Variants in PRKG1 observed in about 807,000 individuals in gnomAD.
The protein encoded by PRKG1 is cGMP-dependent protein kinase 1.
Under a neutral mutation model 88.1 loss-of-function variants are expected in PRKG1, and 35 were observed. That is an observed-to-expected ratio of 0.40 (90% confidence interval 0.30 to 0.53). The LOEUF (loss-of-function observed/expected upper bound fraction) is 0.53. PRKG1 is among the 20% of genes least tolerant of loss of function. The pLI is 0.59. For missense variants in PRKG1, 540 were observed against 839.8 expected, an observed-to-expected ratio of 0.64 and a Z score of 4.41; for synonymous variants, 303 against 292.5, an observed-to-expected ratio of 1.04 and a Z score of -0.37.
intron 3 of PRKG1, among the ~76,000 whole-genome samples, chr10:51,542,712 C>A (rs1842338214): frequency 6.6e-6 from 1 of 151,970 alleles, no homozygotes; most frequent in Admixed American, 6.6e-5. Context: ...TGGCTGGAAA[C>A]CATTTTGTGT....
chr10:51,217,963 G>A (rs943372547), intron 2 of PRKG1, among the ~76,000 whole-genome samples: 2 of 152,044 alleles, frequency 1.3e-5, no homozygotes, highest in African/African-American at 4.8e-5. Flanking sequence ...TCTTACAAGT[G>A]ATTAACATCT....
chr10:51,945,594 G>A (rs931782396), intron 5 of PRKG1, among the ~76,000 whole-genome samples: 7 of 151,566 alleles, frequency 4.6e-5, no homozygotes, highest in Admixed American at 4.6e-4. Flanking sequence ...TGGCTGGTAT[G>A]GGTTGTTCCT....
At chr10:51,787,529 C>A (rs1161039341) in intron 3 of PRKG1, among the ~76,000 whole-genome samples, 1 of 152,150 alleles carries the variant, frequency 6.6e-6, no homozygotes, top group Non-Finnish European at 1.5e-5. Context: ...GGCAGAACAA[C>A]AACACATCCA....
chr10:51,729,764 G>A (rs769351567), intron 3 of PRKG1, among the ~76,000 whole-genome samples: 13 of 146,438 alleles, frequency 8.9e-5, no homozygotes, highest in Admixed American at 3.4e-4. Context: ...GCCATAGGCC[G>A]TGGTAATTCA....
chr10:52,115,081 G>T (rs897657887), intron 7 of PRKG1, among the ~76,000 whole-genome samples: 4 of 152,140 alleles, frequency 2.6e-5, no homozygotes, highest in Middle Eastern at 3.4e-3. Context: ...TACTAATATT[G>T]TTACTATTAA....
intron 3 of PRKG1, among the ~76,000 whole-genome samples, chr10:51,755,938 C>G (rs1216251929): frequency 6.6e-6 from 1 of 152,202 alleles, no homozygotes; most frequent in African/African-American, 2.4e-5. Context: ...CTTTCAACAG[C>G]TGTCTGATTA....
At chr10:51,407,347 C>T (rs1837950457) in intron 2 of PRKG1, among the ~76,000 whole-genome samples, 1 of 152,092 alleles carries the variant, frequency 6.6e-6, no homozygotes, top group African/African-American at 2.4e-5. Context: ...TTTTGTACAA[C>T]TGGAAACACA....
chr10:51,741,129 G>A (rs575977032), intron 3 of PRKG1, among the ~76,000 whole-genome samples: 6 of 148,412 alleles, frequency 4.0e-5, no homozygotes, highest in Admixed American at 3.3e-4. Context: ...AGGTGGATCT[G>A]AATGAAACCT....
chr10:52,293,019 C>G (rs1842291236), intron 17 of PRKG1, among the ~76,000 whole-genome samples: 1 of 152,098 alleles, frequency 6.6e-6, no homozygotes, highest in Non-Finnish European at 1.5e-5. Flanking sequence ...ACCCCATTGT[C>G]TCAGCCCAAA....
chr10:51,463,615 G>C (rs545710888), intron 2 of PRKG1, among the ~76,000 whole-genome samples: 1 of 152,194 alleles, frequency 6.6e-6, no homozygotes, highest in Non-Finnish European at 1.5e-5. Context: ...CTGGGTGTAC[G>C]CAGAAAGCTT....
chr10:51,529,426 C>T lies in PRKG1; in HGVS notation c.592+61590C>T, dbSNP rs554177299. On this transcript the variant is annotated intron_variant, in intron 3 of 17. Coordinates refer to ENST00000373980, the MANE Select transcript of PRKG1 (RefSeq NM_006258.4). ...ATCATCAGGCTCATATGGAAATACA[C>T]ACTCCTGAATTTTACCTAAGATGCT... 1.2e-4 allele frequency among the ~76,000 whole-genome samples: 19 copies of T among 152,268 alleles called. No individual in the cohort carries two copies. The South Asian group carries it at 3.7e-3, about 30-fold the overall frequency.
chr10:51,200,298 T>A (rs1238484634), intron 2 of PRKG1, among the ~76,000 whole-genome samples: 1 of 152,208 alleles, frequency 6.6e-6, no homozygotes, highest in East Asian at 1.9e-4. Context: ...AAAACTAGTG[T>A]GTATCTTTTC....
chr10:52,047,352 T>C (rs1017234677), intron 5 of PRKG1, among the ~76,000 whole-genome samples: 1 of 152,168 alleles, frequency 6.6e-6, no homozygotes, highest in African/African-American at 2.4e-5. Flanking sequence ...ATGACAACTT[T>C]TGTGCACTGA....
At chr10:51,626,837 G>A (rs531473867) in intron 3 of PRKG1, among the ~76,000 whole-genome samples, 7 of 152,202 alleles carry the variant, frequency 4.6e-5, no homozygotes, top group Non-Finnish European at 7.4e-5. Context: ...GTACCTATGC[G>A]GGAGTTTGAA....
chr10:51,529,135 A>G (rs899789892), intron 3 of PRKG1, among the ~76,000 whole-genome samples: 1 of 151,980 alleles, frequency 6.6e-6, no homozygotes, highest in African/African-American at 2.4e-5. Context: ...TCCTGACTTT[A>G]CTTATTTCCC....
chr10:51,087,257 C>T (rs1844276818), intron 1 of PRKG1, among the ~76,000 whole-genome samples: 1 of 151,772 alleles, frequency 6.6e-6, no homozygotes, highest in Admixed American at 6.6e-5. Context: ...GTAATTGTTA[C>T]TTTTTAGCCT....
At chr10:51,492,555 T>A (rs7921499) in intron 3 of PRKG1, among the ~76,000 whole-genome samples, 1 of 151,838 alleles carries the variant, frequency 6.6e-6, no homozygotes, top group Non-Finnish European at 1.5e-5. Context: ...CTTTGTGCTA[T>A]GTAAATACAG....
At chr10:51,933,772 CT>C (rs1842742895) in intron 5 of PRKG1, among the ~76,000 whole-genome samples, 1 of 151,972 alleles carries the variant, frequency 6.6e-6, no homozygotes, top group African/African-American at 2.4e-5. Flanking sequence ...TAACTTTTAG[CT>C]GCTTAATAAC....
chr10:51,483,610 T>G (rs1341191989), intron 3 of PRKG1, among the ~76,000 whole-genome samples: 1 of 152,226 alleles, frequency 6.6e-6, no homozygotes, highest in African/African-American at 2.4e-5. Context: ...TCAGGATACT[T>G]GTATTGAACC....
Sources: allele counts gnomAD v4.1 joint callset (sites outside exome capture counted in the v4.1 genomes callset), GRCh38; gene constraint gnomAD v4.1.1; transcripts MANE v1.5; gene names NCBI Gene and HGNC (gene_info 2026-07-23, HGNC 2026-07-21).